HERC3: variants seen among roughly 807,000 people sequenced by gnomAD.
The protein encoded by HERC3 is probable E3 ubiquitin-protein ligase HERC3.
HERC3 carries 58 observed loss-of-function variants against 129.9 expected under a neutral mutation model. That is an observed-to-expected ratio of 0.45 (90% CI 0.36 to 0.56). The LOEUF (loss-of-function observed/expected upper bound fraction) is 0.56, where lower values mean the gene tolerates loss of function less well. HERC3 is among the 20% of genes least tolerant of loss of function. HERC3 has a pLI of 0.00. For missense variants in HERC3, 835 were observed against 1,244.2 expected (o/e 0.67, Z 4.95); for synonymous variants, 430 against 451.0 (o/e 0.95, Z 0.59).
intron 23 of HERC3, among the ~76,000 whole-genome samples, chr4:88,700,045 A>G (rs1735185363): frequency 6.6e-6 from 1 of 150,970 alleles, no homozygotes; most frequent in East Asian, 1.9e-4. Flanking sequence ...TTTTTCCAGA[A>G]TGTCAGGTAA....
chr4:88,529,293 A>G, the HERC3 span, among the ~76,000 whole-genome samples: 1 of 152,132 alleles, frequency 6.6e-6, no homozygotes, highest in Non-Finnish European at 1.5e-5. Flanking sequence ...GCAAGACTCC[A>G]TTTCTACAAA....
intron 18 of HERC3, among the ~76,000 whole-genome samples, 159 bp downstream of exon 18, chr4:88,676,582 AAC>A (rs1353559925): frequency 6.6e-6 from 1 of 152,210 alleles, no homozygotes; most frequent in Non-Finnish European, 1.5e-5. Context: ...TGTTGAATAT[AAC>A]ACACATAGGT....
At chr4:88,537,746 G>A in the HERC3 span, among the ~76,000 whole-genome samples, 2 of 152,160 alleles carry the variant, frequency 1.3e-5, no homozygotes, top group African/African-American at 4.8e-5. Flanking sequence ...CTTTAAAATG[G>A]TGATCTTCTG....
At chr4:88,654,377 TATATATATATAC>T (rs1383189774) in intron 7 of HERC3, among the ~76,000 whole-genome samples, 3,264 of 103,632 alleles carry the variant, frequency 0.031, 60 homozygotes, top group Admixed American at 0.047. Flanking sequence ...TATATATATA[TATATATATATAC>T]ACACACACAC....
At chr4:88,632,162 C>CT (rs969447671) in intron 3 of HERC3, among the ~76,000 whole-genome samples, 3 of 152,188 alleles carry the variant, frequency 2.0e-5, no homozygotes, top group African/African-American at 7.2e-5. Flanking sequence ...TCCATGAACT[C>CT]TTTGGCTCAC....
At chr4:88,541,552 G>A in the HERC3 span, among the ~76,000 whole-genome samples, 2 of 152,170 alleles carry the variant, frequency 1.3e-5, no homozygotes, top group Non-Finnish European at 1.5e-5. Flanking sequence ...AGGTTAACAA[G>A]GATATTCAGG....
At position 88,704,863 on chromosome 4, in the gene HERC3, C is replaced by CTTTCTTTCTTTT. The variant is rs1336673525; in HGVS notation, c.2944+256_2944+257insCTTTCTTTTTTT. Among the ~76,000 whole-genome samples the CTTTCTTTCTTTT allele has an allele frequency of 2.9e-3, 384 of 130,646 alleles. 3 individuals are homozygous for CTTTCTTTCTTTT. The highest frequency in any genetic ancestry group is 0.011 in the African/African-American group (370 of 33,380). 85.7% of individuals were successfully genotyped at this position (130,646 alleles called of 152,430 possible). A position where few individuals can be genotyped will look rare whatever the true frequency, so the allele number is the denominator to read the frequency against. On this transcript the variant is annotated intron_variant, in intron 25 of 25. Transcript: ENST00000402738. ...TCACTGATTTTTCTTTTCTTTCTTT[C>CTTTCTTTCTTTT]TTTTTTTTTTTTTTTGAGACAGAGT... is the stretch of plus-strand genomic sequence containing the variant.
the HERC3 span, among the ~76,000 whole-genome samples, chr4:88,532,689 GA>G: frequency 6.6e-6 from 1 of 152,072 alleles, no homozygotes; most frequent in African/African-American, 2.4e-5. Flanking sequence ...CATTATAATA[GA>G]AAATAAAAGG....
chr4:88,536,370 A>C, the HERC3 span, among the ~76,000 whole-genome samples: 1 of 152,130 alleles, frequency 6.6e-6, no homozygotes, highest in Admixed American at 6.6e-5. Flanking sequence ...TTTTATGAAG[A>C]TTTTTCTAAC....
At chr4:88,635,705 A>C (rs1727303843) in intron 3 of HERC3, among the ~76,000 whole-genome samples, 1 of 152,146 alleles carries the variant, frequency 6.6e-6, no homozygotes, top group Non-Finnish European at 1.5e-5. Flanking sequence ...AATCGGATTC[A>C]CCAAGGTCAA....
intron 25 of HERC3, 141 bp from the exon 26 acceptor site, chr4:88,706,611 G>T: frequency 1.6e-6 from 1 of 640,940 alleles, no homozygotes. Context: ...CATTCCACAG[G>T]ATGCATATTG....
the HERC3 span, among the ~76,000 whole-genome samples, chr4:88,536,469 T>G: frequency 1.3e-5 from 2 of 152,188 alleles, no homozygotes; most frequent in Non-Finnish European, 2.9e-5. Flanking sequence ...ACTCACTCAC[T>G]CACTCACTCT....
chr4:88,599,690 C>G (rs1325991209), intron 2 of HERC3, among the ~76,000 whole-genome samples: 1 of 152,164 alleles, frequency 6.6e-6, no homozygotes, highest in Non-Finnish European at 1.5e-5. Context: ...GCTTTGGTTA[C>G]CTGGTCACAG....
At chr4:88,688,337 G>A (rs558426337) in intron 23 of HERC3, among the ~76,000 whole-genome samples, 139 of 152,248 alleles carry the variant, frequency 9.1e-4, no homozygotes, top group Middle Eastern at 3.4e-3. Context: ...GCTTGGAGTA[G>A]AACATGATTG....
the HERC3 span, among the ~76,000 whole-genome samples, chr4:88,526,810 G>A: frequency 6.6e-6 from 1 of 152,096 alleles, no homozygotes; most frequent in Non-Finnish European, 1.5e-5. Flanking sequence ...TAGGATTACA[G>A]GCATAAGCCA....
chr4:88,704,602 A>T lies in HERC3; in HGVS notation c.2936A>T (p.Lys979Met), dbSNP rs776090866. ...FHEFPLEKKK[K>M]FLLFLTGSDR... is the part of the protein sequence containing the mutation. ...GAGTTTCCATTGGAAAAGAAGAAGA[A>T]GTTTCTCTGTAAGTATCAGTAATCT... is the stretch of plus-strand genomic sequence containing the variant. Residue 979 changes from lysine to methionine, a missense_variant, in exon 25 of 26, where the codon AAG (lysine) becomes ATG (methionine). Coordinates refer to ENST00000402738, the MANE Select transcript of HERC3 (RefSeq NM_014606.3). The T allele has an allele frequency of 5.7e-6, 9 of 1,573,276 alleles. No individual in the cohort carries two copies. The highest frequency in any genetic ancestry group is 3.3e-5 in the Admixed American group (2 of 59,934).
intron 3 of HERC3, among the ~76,000 whole-genome samples, chr4:88,642,923 G>T (rs1452984954): frequency 6.6e-6 from 1 of 151,506 alleles, no homozygotes; most frequent in Non-Finnish European, 1.5e-5. Flanking sequence ...GGGGTGTGTG[G>T]GTGGCAGGGG....
intron 9 of HERC3, 35 bp from the exon 10 acceptor site, chr4:88,658,379 AT>A (rs770305951): frequency 1.6e-6 from 2 of 1,230,002 alleles, no homozygotes; most frequent in Non-Finnish European, 2.3e-6. Flanking sequence ...ACTTCAATTA[AT>A]GAAAAATATG....
At chr4:88,697,228 A>G (rs1734691615) in intron 23 of HERC3, 1 of 1,523,900 alleles carries the variant, frequency 6.6e-7, no homozygotes, top group Non-Finnish European at 8.8e-7. Context: ...GTCATCAGGC[A>G]TCTCGGCGTG....
Sources: allele counts gnomAD v4.1 joint callset (sites outside exome capture counted in the v4.1 genomes callset), GRCh38; gene constraint gnomAD v4.1.1; transcripts MANE v1.5; gene names NCBI Gene and HGNC (gene_info 2026-07-23, HGNC 2026-07-21).